The following NXPE2 variants were observed in gnomAD, a reference collection of about 807,000 sequenced individuals.
The protein encoded by NXPE2 is NXPE family member 2.
Under a neutral mutation model 34.4 loss-of-function variants are expected in NXPE2, and 34 were observed. The ratio of observed to expected loss-of-function variants is 0.99; its 90% CI spans 0.75 to 1.31. The LOEUF (loss-of-function observed/expected upper bound fraction) is 1.31. Among genes scored for constraint, NXPE2 ranks in the 40% most tolerant of loss-of-function variants. The pLI is 0.00. For synonymous variants in NXPE2, 235 were observed against 231.3 expected (o/e 1.02, Z -0.15); for missense variants, 649 against 672.5 (o/e 0.97, Z 0.39).
chr11:114,492,016 G>A, the NXPE2 span, among the ~76,000 whole-genome samples: 230 of 152,182 alleles, frequency 1.5e-3, 4 homozygotes, highest in African/African-American at 4.9e-3. Flanking sequence ...TTGTGTGGTC[G>A]GGGGAGGGGG....
chr11:114,581,007 G>A, the NXPE2 span, among the ~76,000 whole-genome samples: 3 of 152,162 alleles, frequency 2.0e-5, no homozygotes, highest in African/African-American at 7.2e-5. Context: ...TAAGTGGGAT[G>A]AGTGTACTCA....
the NXPE2 span, among the ~76,000 whole-genome samples, chr11:114,776,282 G>C: frequency 6.6e-6 from 1 of 152,234 alleles, no homozygotes; most frequent in Non-Finnish European, 1.5e-5. Context: ...AACAACCTGC[G>C]GGTTGCTATT....
chr11:114,686,182 A>G (rs1951043120), intron 2 of NXPE2, among the ~76,000 whole-genome samples: 1 of 152,034 alleles, frequency 6.6e-6, no homozygotes, highest in South Asian at 2.1e-4. Context: ...GGTATATTGC[A>G]TGATGATGTG....
chr11:114,644,202 C>T, the NXPE2 span, among the ~76,000 whole-genome samples: 3 of 152,244 alleles, frequency 2.0e-5, no homozygotes, highest in East Asian at 1.9e-4. Flanking sequence ...CATCTGCAAA[C>T]AGAGACAATA....
the NXPE2 span, among the ~76,000 whole-genome samples, chr11:114,505,851 G>C: frequency 6.6e-6 from 1 of 152,134 alleles, no homozygotes; most frequent in Non-Finnish European, 1.5e-5. Flanking sequence ...CATGATGACA[G>C]AATTACATCC....
chr11:114,622,977 G>A, the NXPE2 span, among the ~76,000 whole-genome samples: 31 of 151,476 alleles, frequency 2.0e-4, no homozygotes, highest in African/African-American at 6.8e-4. Context: ...GTATTGCCTC[G>A]TAGGAAACCA....
the NXPE2 span, among the ~76,000 whole-genome samples, chr11:114,489,712 A>T: frequency 1.3e-5 from 2 of 152,230 alleles, no homozygotes; most frequent in Non-Finnish European, 2.9e-5. Flanking sequence ...ATATCTCAAA[A>T]TAATAAGAGC....
the NXPE2 span, among the ~76,000 whole-genome samples, chr11:114,747,272 C>T: frequency 6.6e-6 from 1 of 151,698 alleles, no homozygotes; most frequent in Non-Finnish European, 1.5e-5. Context: ...ACACTCAGGA[C>T]CCAGGCCGAT....
chr11:114,758,811 T>C, the NXPE2 span, among the ~76,000 whole-genome samples: 1 of 148,416 alleles, frequency 6.7e-6, no homozygotes, highest in African/African-American at 2.4e-5. Context: ...ATTTTATATA[T>C]AATTTATATT....
the NXPE2 span, among the ~76,000 whole-genome samples, chr11:114,807,451 C>G: frequency 5.9e-5 from 9 of 152,068 alleles, no homozygotes; most frequent in Non-Finnish European, 8.8e-5. Flanking sequence ...AAACCCATCT[C>G]ACATGCAGAG....
chr11:114,619,939 C>T, the NXPE2 span, among the ~76,000 whole-genome samples: 8 of 151,764 alleles, frequency 5.3e-5, no homozygotes, highest in South Asian at 2.1e-4. Flanking sequence ...CACTGTTACC[C>T]GGTGGATAAT....
chr11:114,687,655 A>T (rs1370104321), intron 2 of NXPE2, among the ~76,000 whole-genome samples: 1 of 151,516 alleles, frequency 6.6e-6, no homozygotes, highest in Non-Finnish European at 1.5e-5. Flanking sequence ...GGGAATACTG[A>T]TGTTGGAATA....
At chr11:114,602,237 T>C in the NXPE2 span, among the ~76,000 whole-genome samples, 5 of 115,832 alleles carry the variant, frequency 4.3e-5, no homozygotes, top group Admixed American at 5.6e-4. Flanking sequence ...TTATATATTA[T>C]ACTATATACA....
chr11:114,613,085 A>G, the NXPE2 span, among the ~76,000 whole-genome samples: 1 of 151,808 alleles, frequency 6.6e-6, no homozygotes, highest in South Asian at 2.1e-4. Context: ...CCCGGTGGAT[A>G]ATAAGCATTG....
the NXPE2 span, among the ~76,000 whole-genome samples, chr11:114,517,615 G>T: frequency 6.6e-6 from 1 of 152,124 alleles, no homozygotes; most frequent in Non-Finnish European, 1.5e-5. Context: ...ACTATGTGCT[G>T]GGCCCAGTGC....
chr11:114,642,100 G>T, the NXPE2 span, among the ~76,000 whole-genome samples: 3 of 151,768 alleles, frequency 2.0e-5, no homozygotes, highest in Non-Finnish European at 4.4e-5. Flanking sequence ...AGTGGAAAAG[G>T]CTGGCAAACA....
chr11:114,511,605 TGTG>T, the NXPE2 span, among the ~76,000 whole-genome samples: 1 of 152,160 alleles, frequency 6.6e-6, no homozygotes, highest in Non-Finnish European at 1.5e-5. Context: ...ATTTAGAAAG[TGTG>T]GTGGTAAATA....
chr11:114,632,477 A>G, the NXPE2 span, among the ~76,000 whole-genome samples: 2 of 127,992 alleles, frequency 1.6e-5, no homozygotes, highest in Non-Finnish European at 1.6e-5. Flanking sequence ...TATATACTAT[A>G]TAATACTCCA....
the NXPE2 span, among the ~76,000 whole-genome samples, chr11:114,560,366 G>A: frequency 7.3e-5 from 11 of 151,614 alleles, no homozygotes; most frequent in South Asian, 2.1e-3. Flanking sequence ...GAACTCCTGG[G>A]CCCAAGCCAT....
Sources: allele counts gnomAD v4.1 joint callset (sites outside exome capture counted in the v4.1 genomes callset), GRCh38; gene constraint gnomAD v4.1.1; transcripts MANE v1.5; gene names NCBI Gene and HGNC (gene_info 2026-07-23, HGNC 2026-07-21).